Variants in RSPO3 observed in about 807,000 individuals in gnomAD.
RSPO3 encodes R-spondin 3.
A neutral mutation model predicts 36.5 loss-of-function variants in RSPO3; 17 were observed. The observed-to-expected ratio is 0.47, with a 90% CI of 0.32 to 0.70. The LOEUF (loss-of-function observed/expected upper bound fraction) is 0.70, where lower values mean the gene tolerates loss of function less well. RSPO3 is among the 30% of genes least tolerant of loss of function. The pLI is 0.04. For synonymous variants in RSPO3, 108 were observed against 107.0 expected, an observed-to-expected ratio of 1.01 and a Z score of -0.06; for missense variants, 294 against 322.5, an observed-to-expected ratio of 0.91 and a Z score of 0.68.
intron 4 of RSPO3, among the ~76,000 whole-genome samples, chr6:127,181,339 AAT>A (rs1205577023): frequency 6.6e-6 from 1 of 151,896 alleles, no homozygotes; most frequent in Non-Finnish European, 1.5e-5. Flanking sequence ...CCCATATATA[AAT>A]ATGTTAAATA....
Position 127,176,550 on chromosome 6 carries a change from TACG to T in RSPO3, c.635-19272_635-19270del, listed in dbSNP as rs1447081135. On this transcript the variant is annotated intron_variant, in intron 4 of 4. Transcript: ENST00000356698. Reference sequence around the variant, plus strand: ...AGCTATTTTCCATGACTATTTTTGATACGGTCAAACAAATACAAAGAATAAGCT... The same window carrying T: ...AGCTATTTTCCATGACTATTTTTGATGTCAAACAAATACAAAGAATAAGCT... 1.4e-3 allele frequency among the ~76,000 whole-genome samples: 211 copies of T among 151,874 alleles called. 1 individual carries two copies. Among genetic ancestry groups the T allele is most frequent in the Admixed American group, 3.9e-3 (59 of 15,206 alleles).
chr6:127,165,540 T>C (rs954649164), intron 4 of RSPO3, among the ~76,000 whole-genome samples: 7 of 152,036 alleles, frequency 4.6e-5, no homozygotes, highest in African/African-American at 7.2e-5. Flanking sequence ...TTGAAATGTA[T>C]AAGACAAGGG....
chr6:127,166,502 T>A (rs934132508), intron 4 of RSPO3, among the ~76,000 whole-genome samples: 9 of 152,020 alleles, frequency 5.9e-5, no homozygotes, highest in African/African-American at 1.7e-4. Flanking sequence ...CTTTAGCCTT[T>A]ACATATCCCA....
chr6:127,153,259 G>A (rs1369768987), intron 3 of RSPO3, among the ~76,000 whole-genome samples: 1 of 151,992 alleles, frequency 6.6e-6, no homozygotes, highest in Non-Finnish European at 1.5e-5. Flanking sequence ...TCTTAACCAA[G>A]GAGTGCCTCA....
intron 4 of RSPO3, among the ~76,000 whole-genome samples, chr6:127,164,769 C>A (rs116470091): frequency 6.6e-6 from 1 of 151,996 alleles, no homozygotes; most frequent in African/African-American, 2.4e-5. Context: ...TACTGAACTG[C>A]GGTGTTTATA....
chr6:127,140,904 T>G (rs1343462444), intron 1 of RSPO3, among the ~76,000 whole-genome samples: 1 of 152,174 alleles, frequency 6.6e-6, no homozygotes, highest in Non-Finnish European at 1.5e-5. Flanking sequence ...ACATAATGAC[T>G]CCTCCTTATT....
intron 4 of RSPO3, among the ~76,000 whole-genome samples, chr6:127,182,093 G>C (rs1166761236): frequency 6.6e-6 from 1 of 151,668 alleles, no homozygotes; most frequent in Admixed American, 6.6e-5. Context: ...AATGGAGAGA[G>C]AGAGAAGGTG....
chr6:127,173,380 G>C (rs1033067302), intron 4 of RSPO3, among the ~76,000 whole-genome samples: 1 of 151,828 alleles, frequency 6.6e-6, no homozygotes, highest in African/African-American at 2.4e-5. Flanking sequence ...AGTCAGTAGA[G>C]TCAGTGACCT....
intron 4 of RSPO3, among the ~76,000 whole-genome samples, chr6:127,189,736 T>A (rs947338200): frequency 6.6e-6 from 1 of 152,194 alleles, no homozygotes; most frequent in Non-Finnish European, 1.5e-5. Flanking sequence ...TATGTAATGA[T>A]GTATCAAATT....
At chr6:127,123,049 C>T (rs1055265236) in intron 1 of RSPO3, among the ~76,000 whole-genome samples, 7 of 151,616 alleles carry the variant, frequency 4.6e-5, no homozygotes, top group African/African-American at 1.5e-4. Context: ...TTCATAAAGA[C>T]GTCTGAAGAA....
In RSPO3 at chr6:127,172,975, T is replaced by C. The variant is rs575113099; in HGVS notation, c.634+17537T>C. 2.6e-5 allele frequency among the ~76,000 whole-genome samples: 4 copies of C among 151,940 alleles called. No individual in the cohort carries two copies. In the East Asian group the frequency reaches 7.8e-4, roughly 30 times the overall value. ...AGTCAGTACTAGAACCTAAATCTTTTGTCAATCTGATCTTTCCATTCTGTC... is the reference window on the plus strand; with the variant it reads ...AGTCAGTACTAGAACCTAAATCTTTCGTCAATCTGATCTTTCCATTCTGTC... On this transcript the variant is annotated intron_variant, in intron 4 of 4. Transcript: ENST00000356698.
At position 127,152,320 on chromosome 6, in the gene RSPO3, G is replaced by A. The variant is rs564034520; in HGVS notation, c.436+1748G>A. On this transcript the variant is annotated intron_variant, in intron 3 of 4. Transcript: ENST00000356698. ...CTTTCATTCAGGGCTGGCTCCGGTT[G>A]TTTGCTCAATAAGAGATGTCTCCCA... Among the ~76,000 whole-genome samples the A allele has an allele frequency of 1.3e-4, 20 of 152,238 alleles. No homozygotes were observed. In the South Asian group the frequency reaches 1.9e-3, roughly 14 times the overall value.
intron 1 of RSPO3, among the ~76,000 whole-genome samples, chr6:127,124,402 A>G (rs1459840526): frequency 2.0e-5 from 3 of 152,104 alleles, no homozygotes; most frequent in Non-Finnish European, 4.4e-5. Flanking sequence ...CATTAGGAAA[A>G]CATCATTCAG....
At chr6:127,121,000 C>G (rs1773833709) in intron 1 of RSPO3, among the ~76,000 whole-genome samples, 1 of 152,226 alleles carries the variant, frequency 6.6e-6, no homozygotes, top group South Asian at 2.1e-4. Context: ...GTCTCAGGGT[C>G]AGTGGGCATA....
intron 1 of RSPO3, among the ~76,000 whole-genome samples, chr6:127,141,517 T>C: frequency 6.6e-6 from 1 of 152,122 alleles, no homozygotes; most frequent in East Asian, 1.9e-4. Flanking sequence ...AAATTATTAT[T>C]CAGTAAGAGA....
rs565443066 is a variant in RSPO3 at position 127,139,467 on chromosome 6, C to G, written c.98-9181C>G. Reference sequence around the variant, plus strand: ...AGTTAGTAGTTATGGAGCACTCATGCGGATTCATTACCATTAAACTGTCAC... The same window carrying G: ...AGTTAGTAGTTATGGAGCACTCATGGGGATTCATTACCATTAAACTGTCAC... On this transcript the variant is annotated intron_variant, in intron 1 of 4. Coordinates refer to ENST00000356698, the MANE Select transcript of RSPO3 (RefSeq NM_032784.5). 7.2e-5 allele frequency among the ~76,000 whole-genome samples: 11 copies of G among 151,872 alleles called. No individual in the cohort carries two copies. In the East Asian group the frequency reaches 1.4e-3, roughly 19 times the overall value.
chr6:127,187,050 G>A (rs973438959), intron 4 of RSPO3, among the ~76,000 whole-genome samples: 31 of 152,080 alleles, frequency 2.0e-4, no homozygotes, highest in Non-Finnish European at 3.5e-4. Context: ...ATAGACTCAC[G>A]CATATTCTCC....
At position 127,195,849 on chromosome 6, in the gene RSPO3, A is replaced by G. The variant is rs886352185; in HGVS notation, c.661A>G (p.Lys221Glu). 3.8e-6 allele frequency: 6 copies of G among 1,573,788 alleles called. No homozygotes were observed. The highest frequency in any genetic ancestry group is 5.2e-6 in the Non-Finnish European group (6 of 1,161,078). Reference protein sequence around the residue: ...RGKKGRERKRKKPNKGESKEA... With the variant: ...RGKKGRERKREKPNKGESKEA... ...AAAAAAAGGAAGGGAGAGGAAAAGA[A>G]AAAAACCTAATAAAGGAGAAAGTAA... The change falls in exon 5 of 5, where the codon AAA (lysine) becomes GAA (glutamate). Residue 221 changes from lysine (K) to glutamate (E), a missense_variant. By Grantham distance (56) the Lys-to-Glu change is moderately conservative (BLOSUM62 1). This residue lies in a region of RSPO3 where 190 missense variants were observed against 185.2 expected (regional missense o/e 1.03). Transcript: ENST00000356698.
In RSPO3 at chr6:127,144,271, C is replaced by T. The variant is rs573897496; in HGVS notation, c.98-4377C>T. Among the ~76,000 whole-genome samples the T allele has an allele frequency of 2.0e-5, 3 of 152,204 alleles. No homozygotes were observed. In the South Asian group the frequency reaches 6.2e-4, roughly 32 times the overall value. Reference sequence around the variant, plus strand: ...CAATTTAAAGTTTCCATGAATTCTGCCCATTTTCCCACTCATATCTACCCC... The same window carrying T: ...CAATTTAAAGTTTCCATGAATTCTGTCCATTTTCCCACTCATATCTACCCC... On this transcript the variant is annotated intron_variant, in intron 1 of 4. Coordinates refer to ENST00000356698, the MANE Select transcript of RSPO3 (RefSeq NM_032784.5).
Sources: gnomAD v4.1 joint callset for allele counts (sites outside exome capture counted in the v4.1 genomes callset) on GRCh38, gnomAD v4.1.1 for gene constraint, gnomAD v4.1.1 regional missense constraint, MANE v1.5 for transcripts, NCBI Gene and HGNC (gene_info 2026-07-23, HGNC 2026-07-21) for gene names.